The following TMEM50B variants were observed in gnomAD, a reference collection of about 807,000 sequenced individuals.
TMEM50B encodes HCV p7-trans-regulated protein 3.
Under a neutral mutation model 23.4 loss-of-function variants are expected in TMEM50B, and 14 were observed. That is an observed-to-expected ratio of 0.60 (90% confidence interval 0.39 to 0.93). TMEM50B has a LOEUF of 0.93. Ranked by LOEUF, TMEM50B falls within the 40% of genes least tolerant of loss-of-function variation. The pLI is 0.00. For synonymous variants in TMEM50B, 64 were observed against 62.3 expected, an observed-to-expected ratio of 1.03 and a Z score of -0.13; for missense variants, 159 against 193.0, an observed-to-expected ratio of 0.82 and a Z score of 1.04.
intron 4 of TMEM50B, among the ~76,000 whole-genome samples, chr21:33,463,655 T>A (rs561144534): frequency 1.3e-5 from 2 of 152,246 alleles, no homozygotes; most frequent in South Asian, 4.1e-4. Context: ...ATGCCTGCAA[T>A]CCCAGCACTT....
exon 9 of TMEM50B, chr21:33,432,583 G>C: frequency 2.0e-6 from 2 of 1,022,654 alleles, no homozygotes; most frequent in South Asian, 2.6e-5. Flanking sequence ...CCAGGTGAGG[G>C]TGGGGGGTAG....
chr21:33,475,425 G>GT (rs935590891), intron 1 of TMEM50B, among the ~76,000 whole-genome samples: 11 of 151,992 alleles, frequency 7.2e-5, no homozygotes, highest in Non-Finnish European at 1.5e-4. Flanking sequence ...TTGGCTCACT[G>GT]TAACTCCCGC....
intron 1 of TMEM50B, among the ~76,000 whole-genome samples, chr21:33,477,754 T>C (rs1181008628): frequency 6.6e-6 from 1 of 150,432 alleles, no homozygotes; most frequent in Admixed American, 6.6e-5. Flanking sequence ...GAGGTTGCAG[T>C]GAGCCACGAT....
intron 1 of TMEM50B, among the ~76,000 whole-genome samples, chr21:33,472,918 A>G (rs1038642773): frequency 6.6e-6 from 1 of 152,150 alleles, no homozygotes; most frequent in African/African-American, 2.4e-5. Flanking sequence ...AAATTTGGTG[A>G]AAAATATTAA....
chr21:33,450,725 C>T lies in TMEM50B; in HGVS notation c.*93G>A. 1 of 911,560 alleles carries T rather than the reference C, an allele frequency of 1.1e-6. No individual in the cohort carries two copies. 56.5% of individuals were successfully genotyped at this position (911,560 alleles called of 1,614,324 possible). ...GTAAAGAAACAAAACATTTAATGTA[C>T]AATCTACTCCATTTGGCAATGTGTA... On this transcript the variant is annotated 3_prime_UTR_variant, in exon 7 of 7. Transcript: ENST00000542230.
At chr21:33,448,808 G>A (rs577322084), downstream of TMEM50B, 1 of 152,032 alleles carries the variant, frequency 6.6e-6, no homozygotes, top group South Asian at 2.1e-4. Flanking sequence ...TTGGAAAGCG[G>A]AGGTAAGAGG....
chr21:33,458,225 A>G (rs2084187231), intron 5 of TMEM50B, among the ~76,000 whole-genome samples: 1 of 152,164 alleles, frequency 6.6e-6, no homozygotes, highest in Non-Finnish European at 1.5e-5. Context: ...TTTAAAACAC[A>G]CTTTCCGGCT....
chr21:33,441,456 A>G, intron 7 of TMEM50B, among the ~76,000 whole-genome samples: 1 of 152,108 alleles, frequency 6.6e-6, no homozygotes, highest in East Asian at 1.9e-4. Flanking sequence ...TGAGGATTAG[A>G]TCACTGTTTT....
intron 4 of TMEM50B, among the ~76,000 whole-genome samples, chr21:33,461,977 C>CA (rs1165708763): frequency 6.6e-6 from 1 of 151,886 alleles, no homozygotes; most frequent in South Asian, 2.1e-4. Flanking sequence ...TTTTGTTTAG[C>CA]AAAAAAATAA....
At chr21:33,438,883 C>G (rs2123389810) in intron 8 of TMEM50B, among the ~76,000 whole-genome samples, 1 of 152,218 alleles carries the variant, frequency 6.6e-6, no homozygotes, top group Non-Finnish European at 1.5e-5. Context: ...GCGTGCACCA[C>G]TATGCCTGGC....
At chr21:33,471,692 A>G (rs1297226117) in intron 1 of TMEM50B, among the ~76,000 whole-genome samples, 9 of 152,180 alleles carry the variant, frequency 5.9e-5, no homozygotes, top group African/African-American at 2.2e-4. Flanking sequence ...CAGGCAACAT[A>G]GCAAGACCCT....
chr21:33,471,167 C>T (rs556210312), intron 1 of TMEM50B, among the ~76,000 whole-genome samples: 1 of 152,226 alleles, frequency 6.6e-6, no homozygotes, highest in South Asian at 2.1e-4. Context: ...ATTTTCATTC[C>T]ACCAAGTCAG....
At chr21:33,474,156 T>C (rs996782760) in intron 1 of TMEM50B, among the ~76,000 whole-genome samples, 8 of 151,550 alleles carry the variant, frequency 5.3e-5, no homozygotes, top group African/African-American at 1.9e-4. Flanking sequence ...GTATATATAC[T>C]GTATCTCAAC....
intron 8 of TMEM50B, chr21:33,432,890 CTTTTTTTTTT>C: frequency 6.8e-7 from 1 of 1,477,704 alleles, no homozygotes; most frequent in Non-Finnish European, 9.3e-7. Flanking sequence ...GCACACATCT[CTTTTTTTTTT>C]TTTGAGACAG....
intron 1 of TMEM50B, among the ~76,000 whole-genome samples, chr21:33,470,515 A>G (rs900170888): frequency 1.3e-5 from 2 of 151,576 alleles, no homozygotes; most frequent in Non-Finnish European, 2.9e-5. Flanking sequence ...GCGGATCACG[A>G]AGTCAGGAGA....
At position 33,465,337 on chromosome 21, in the gene TMEM50B, T is replaced by C. The variant is rs1187129779; in HGVS notation, c.280+5A>G. 1.9e-6 allele frequency: 3 copies of C among 1,612,392 alleles called. No homozygotes were observed. Among genetic ancestry groups the C allele is most frequent in the Non-Finnish European group, 1.7e-6 (2 of 1,179,040 alleles). ...ACACCCATTAACAGCTCAAAGTATCTTTACCTGTTCTTCCTAAACAGCCGC... is the reference window on the plus strand; with the variant it reads ...ACACCCATTAACAGCTCAAAGTATCCTTACCTGTTCTTCCTAAACAGCCGC... On this transcript the variant is annotated splice_donor_5th_base_variant and intron_variant, in intron 4 of 6. Transcript: ENST00000542230.
downstream of TMEM50B, among the ~76,000 whole-genome samples, chr21:33,445,598 C>T (rs2084046491): frequency 6.6e-6 from 1 of 152,208 alleles, no homozygotes; most frequent in African/African-American, 2.4e-5. Flanking sequence ...AGTTCGAGAC[C>T]AGCCTGGCCA....
intron 1 of TMEM50B, 130 bp from the exon 2 acceptor site, chr21:33,469,056 T>C: frequency 1.6e-6 from 1 of 606,406 alleles, no homozygotes. Flanking sequence ...TAAGAAAAAT[T>C]CAATACTTCA....
At chr21:33,474,343 CT>C (rs1049678459) in intron 1 of TMEM50B, among the ~76,000 whole-genome samples, 1 of 151,652 alleles carries the variant, frequency 6.6e-6, no homozygotes, top group Admixed American at 6.6e-5. Context: ...AGCCAGTTTT[CT>C]TTTTTTTAAT....
Sources: gnomAD v4.1 joint callset for allele counts (sites outside exome capture counted in the v4.1 genomes callset) on GRCh38, gnomAD v4.1.1 for gene constraint, MANE v1.5 for transcripts, NCBI Gene and HGNC (gene_info 2026-07-23, HGNC 2026-07-21) for gene names.